GRIP1: variants seen among roughly 807,000 people sequenced by gnomAD.
GRIP1 encodes glutamate receptor interacting protein 1.
A neutral mutation model predicts 129.9 loss-of-function variants in GRIP1; 45 were observed. The observed-to-expected ratio is 0.35, with a 90% confidence interval of 0.27 to 0.44. The LOEUF (loss-of-function observed/expected upper bound fraction) is 0.44, where lower values mean the gene tolerates loss of function less well. Among genes scored for constraint, GRIP1 ranks in the 20% least tolerant of loss-of-function variants. The pLI is 1.00. For missense variants in GRIP1, 1,196 were observed against 1,396.8 expected (o/e 0.86, Z 2.29); for synonymous variants, 530 against 520.8 (o/e 1.02, Z -0.24).
chr12:66,810,642 C>T (rs904542325), intron 1 of GRIP1, among the ~76,000 whole-genome samples: 2 of 152,118 alleles, frequency 1.3e-5, no homozygotes, highest in Non-Finnish European at 2.9e-5. Context: ...ACCACGTCTC[C>T]CTCATTTTAA....
At position 66,463,097 on chromosome 12, in the gene GRIP1, CG is replaced by C; in HGVS notation, c.873-5del. On this transcript the variant is annotated splice_region_variant and splice_polypyrimidine_tract_variant and intron_variant, in intron 8 of 24. Transcript: ENST00000359742. ...TCCCACATGCAATGCGCCACATCTA[CG>C]GAAAGGAGAAATACTCGGTAAGAGG... The C allele has an allele frequency of 3.1e-6, 5 of 1,613,108 alleles. No individual in the cohort carries two copies. The highest frequency in any genetic ancestry group is 4.2e-6 in the Non-Finnish European group (5 of 1,179,218).
Position 66,945,029 on chromosome 12 carries a change from G to A in GRIP1, c.58+124021C>T, listed in dbSNP as rs193149420. Among the ~76,000 whole-genome samples, 3 of 152,304 alleles carry A rather than the reference G, an allele frequency of 2.0e-5. No individual in the cohort carries two copies. The East Asian group carries it at 5.8e-4, about 29-fold the overall frequency. On this transcript the variant is annotated intron_variant, in intron 1 of 1. Coordinates refer to the GRIP1 transcript ENST00000643019. ...GGTGGTCTAGAACTCCTGGCCTCACGTGACCCACCCACCTTGGCCTCCCAA... is the reference window on the plus strand; with the variant it reads ...GGTGGTCTAGAACTCCTGGCCTCACATGACCCACCCACCTTGGCCTCCCAA...
At chr12:66,599,841 T>C (rs2064201419) in intron 1 of GRIP1, among the ~76,000 whole-genome samples, 1 of 152,224 alleles carries the variant, frequency 6.6e-6, no homozygotes, top group Non-Finnish European at 1.5e-5. Context: ...GATAAATTTA[T>C]AGAAGGGCAC....
chr12:66,693,625 C>T (rs1159392827), intron 1 of GRIP1, among the ~76,000 whole-genome samples: 2 of 152,058 alleles, frequency 1.3e-5, no homozygotes, highest in Non-Finnish European at 2.9e-5. Context: ...TTTACTGGAG[C>T]TCTCCCCGGT....
At chr12:66,948,624 G>A (rs1592380493) in intron 1 of GRIP1, among the ~76,000 whole-genome samples, 1 of 152,044 alleles carries the variant, frequency 6.6e-6, no homozygotes, top group Non-Finnish European at 1.5e-5. Flanking sequence ...CAGGAACAGA[G>A]GAATAAATAT....
At chr12:66,903,689 T>C (rs1045543261) in intron 1 of GRIP1, among the ~76,000 whole-genome samples, 2 of 152,146 alleles carry the variant, frequency 1.3e-5, no homozygotes, top group Non-Finnish European at 1.5e-5. Flanking sequence ...TTGTTGAATG[T>C]AAAACAACAT....
At chr12:66,750,472 CAGAG>C (rs1347688652) in intron 1 of GRIP1, among the ~76,000 whole-genome samples, 1 of 152,130 alleles carries the variant, frequency 6.6e-6, no homozygotes, top group Non-Finnish European at 1.5e-5. Flanking sequence ...TATGAATTGT[CAGAG>C]AAAGACAAGC....
chr12:66,525,786 C>T (rs565111313), intron 5 of GRIP1, among the ~76,000 whole-genome samples: 87 of 152,066 alleles, frequency 5.7e-4, no homozygotes, highest in African/African-American at 1.1e-3. Context: ...AAAACCCCAT[C>T]GTCTCAGCCC....
chr12:66,403,195 G>A (rs1032885273), intron 16 of GRIP1, among the ~76,000 whole-genome samples: 2 of 152,100 alleles, frequency 1.3e-5, no homozygotes, highest in Admixed American at 6.5e-5. Flanking sequence ...GATGAATTGT[G>A]TAGTGGTGAA....
chr12:66,539,317 T>C (rs533064788), intron 3 of GRIP1, 94 bp from the exon 4 acceptor site: 127 of 1,534,802 alleles, frequency 8.3e-5, no homozygotes, highest in Non-Finnish European at 1.1e-4. Flanking sequence ...AGCATGCAAG[T>C]GTAGAAGCAA....
At chr12:66,397,807 T>C (rs543694849) in intron 16 of GRIP1, among the ~76,000 whole-genome samples, 7 of 152,236 alleles carry the variant, frequency 4.6e-5, no homozygotes, top group Non-Finnish European at 7.3e-5. Flanking sequence ...AGCAAATCAC[T>C]GTTAACACTG....
intron 1 of GRIP1, among the ~76,000 whole-genome samples, chr12:66,953,400 T>TA (rs1395062193): frequency 4.6e-5 from 7 of 152,134 alleles, no homozygotes; most frequent in Admixed American, 4.6e-4. Flanking sequence ...CAGCACCCCA[T>TA]AAGAATTATC....
At chr12:66,809,763 G>A (rs1241612896) in intron 1 of GRIP1, among the ~76,000 whole-genome samples, 1 of 151,228 alleles carries the variant, frequency 6.6e-6, no homozygotes, top group Non-Finnish European at 1.5e-5. Context: ...AGGGTCAAGC[G>A]ATCCTCCCAC....
rs186619988 is a variant in GRIP1 at position 66,435,432 on chromosome 12, A to G, written c.1688-2804T>C. Reference sequence around the variant, plus strand: ...TTGCCTAGGCTGGTCTCAAACTCCCAGGCTCAAGTGATCCGTCCACCTCAG... The same window carrying G: ...TTGCCTAGGCTGGTCTCAAACTCCCGGGCTCAAGTGATCCGTCCACCTCAG... On this transcript the variant is annotated intron_variant, in intron 13 of 24. Coordinates refer to ENST00000359742, the MANE Select transcript of GRIP1 (RefSeq NM_001366722.1). Among the ~76,000 whole-genome samples the G allele has an allele frequency of 1.3e-3, 195 of 152,280 alleles. 3 individuals carry two copies. The highest frequency in any genetic ancestry group is 4.4e-3 in the African/African-American group (183 of 41,558).
intron 11 of GRIP1, 123 bp from the exon 12 acceptor site, chr12:66,445,631 G>T (rs1444374045): frequency 3.0e-5 from 19 of 643,852 alleles, no homozygotes; most frequent in Non-Finnish European, 4.8e-5. Context: ...GTTAAATTAT[G>T]GCCTCTGGTT....
chr12:66,740,158 G>A (rs1705219816), intron 1 of GRIP1, among the ~76,000 whole-genome samples: 1 of 152,158 alleles, frequency 6.6e-6, no homozygotes, highest in Admixed American at 6.5e-5. Flanking sequence ...AGATGTCCTT[G>A]TTGCTATGCC....
At chr12:66,948,805 G>A (rs1159455483) in intron 1 of GRIP1, among the ~76,000 whole-genome samples, 1 of 152,082 alleles carries the variant, frequency 6.6e-6, no homozygotes, top group Non-Finnish European at 1.5e-5. Flanking sequence ...ATTTGCATTA[G>A]GAACAAATTC....
chr12:66,769,579 T>G (rs1231761780), intron 1 of GRIP1, among the ~76,000 whole-genome samples: 1 of 152,122 alleles, frequency 6.6e-6, no homozygotes, highest in Admixed American at 6.6e-5. Flanking sequence ...GGTACCATTT[T>G]CAGAACACAT....
intron 1 of GRIP1, among the ~76,000 whole-genome samples, chr12:66,914,565 C>T (rs1190318318): frequency 2.0e-5 from 3 of 152,170 alleles, no homozygotes; most frequent in Admixed American, 6.5e-5. Flanking sequence ...CTCATTCTCT[C>T]AGGTTTTAAG....
Sources: allele counts gnomAD v4.1 joint callset (sites outside exome capture counted in the v4.1 genomes callset), GRCh38; gene constraint gnomAD v4.1.1; transcripts MANE v1.5; gene names NCBI Gene and HGNC (gene_info 2026-07-23, HGNC 2026-07-21).